Variants in MRPL13 observed in about 807,000 individuals in gnomAD.
MRPL13 encodes the protein large ribosomal subunit protein uL13m.
In MRPL13, 33 loss-of-function variants were observed where a neutral mutation model predicts 29.0. The observed-to-expected ratio is 1.14, with a 90% confidence interval of 0.86 to 1.52. MRPL13 has a LOEUF of 1.52. Ranked by LOEUF, MRPL13 falls within the 40% of genes most tolerant of loss-of-function variation. The pLI is 0.00. For synonymous variants in MRPL13, 77 were observed against 68.4 expected, an observed-to-expected ratio of 1.13 and a Z score of -0.62; for missense variants, 227 against 216.7, an observed-to-expected ratio of 1.05 and a Z score of -0.30.
intron 6 of MRPL13, among the ~76,000 whole-genome samples, chr8:120,412,320 T>A (rs1812748208): frequency 6.6e-6 from 1 of 152,146 alleles, no homozygotes; most frequent in African/African-American, 2.4e-5. Flanking sequence ...TAAGTACATT[T>A]ACAATAAAAC....
At chr8:120,421,094 G>C (rs1812868266) in intron 4 of MRPL13, among the ~76,000 whole-genome samples, 1 of 151,764 alleles carries the variant, frequency 6.6e-6, no homozygotes, top group South Asian at 2.1e-4. Context: ...AAAAAAAATA[G>C]AATAAGATAA....
chr8:120,399,138 C>T (rs11534106), intron 6 of MRPL13, among the ~76,000 whole-genome samples: 80,475 of 151,980 alleles, frequency 0.53, 24,586 homozygotes, highest in Non-Finnish European at 0.67. Context: ...TCAGGAAATC[C>T]GGAGAACCCC....
At position 120,443,318 on chromosome 8, in the gene MRPL13, G is replaced by GAA. The variant is rs5894521; in HGVS notation, c.28-12_28-11dup. 24,764 of 1,353,680 alleles carry GAA rather than the reference G, an allele frequency of 0.018. No homozygotes were observed. Among genetic ancestry groups the GAA allele is most frequent in the South Asian group, 0.02 (1,384 of 68,594 alleles). 83.9% of individuals were successfully genotyped at this position (1,353,680 alleles called of 1,614,324 possible). Reference sequence around the variant, plus strand: ...CAAAAGTGGCCCATTGCTTGGGGGGGAAAAAAAAAAAAAAGAAGAGGAAAA... The same window carrying GAA: ...CAAAAGTGGCCCATTGCTTGGGGGGGAAAAAAAAAAAAAAAAGAAGAGGAAAA... On this transcript the variant is annotated splice_polypyrimidine_tract_variant and intron_variant, in intron 1 of 6. Transcript: ENST00000306185.
chr8:120,439,948 C>A (rs925286003), intron 2 of MRPL13, among the ~76,000 whole-genome samples: 10 of 152,218 alleles, frequency 6.6e-5, no homozygotes, highest in Non-Finnish European at 1.5e-4. Context: ...TTCATTTTCA[C>A]AACTGGAATT....
At chr8:120,439,059 T>C (rs925173443) in intron 2 of MRPL13, among the ~76,000 whole-genome samples, 2 of 152,256 alleles carry the variant, frequency 1.3e-5, no homozygotes, top group Non-Finnish European at 2.9e-5. Flanking sequence ...ATTTATTTGT[T>C]ACCCCAAAAT....
At chr8:120,440,942 A>G (rs72678268) in intron 2 of MRPL13, among the ~76,000 whole-genome samples, 2,275 of 152,012 alleles carry the variant, frequency 0.015, 29 homozygotes, top group South Asian at 0.03. Flanking sequence ...ATCAGAGTAG[A>G]GGGAGAGATG....
intron 6 of MRPL13, among the ~76,000 whole-genome samples, chr8:120,396,443 G>A (rs1182551585): frequency 2.0e-5 from 3 of 151,928 alleles, no homozygotes; most frequent in African/African-American, 7.2e-5. Flanking sequence ...AGTCCTTATT[G>A]AAAAGATTAC....
At chr8:120,422,287 T>TA (rs1468747437) in intron 4 of MRPL13, among the ~76,000 whole-genome samples, 2 of 151,718 alleles carry the variant, frequency 1.3e-5, no homozygotes, top group African/African-American at 2.4e-5. Context: ...TTTGCTAATT[T>TA]ATTAATGTAT....
At chr8:120,431,889 A>T in intron 3 of MRPL13, 141 bp downstream of exon 3, 1 of 548,084 alleles carries the variant, frequency 1.8e-6, no homozygotes, top group Non-Finnish European at 3.0e-6. Context: ...AAAATTGAGT[A>T]AATTATATAC....
chr8:120,431,333 A>AG (rs1009455660), intron 3 of MRPL13, among the ~76,000 whole-genome samples: 1 of 152,206 alleles, frequency 6.6e-6, no homozygotes, highest in African/African-American at 2.4e-5. Flanking sequence ...CTAATACATG[A>AG]GATGATAAAA....
intron 2 of MRPL13, among the ~76,000 whole-genome samples, chr8:120,439,887 C>G (rs1468606362): frequency 1.3e-5 from 2 of 152,194 alleles, no homozygotes; most frequent in Non-Finnish European, 2.9e-5. Context: ...CTCCATAGAT[C>G]CAAAAATCTG....
chr8:120,441,498 A>G (rs941018694), intron 2 of MRPL13, among the ~76,000 whole-genome samples: 2 of 152,178 alleles, frequency 1.3e-5, no homozygotes, highest in African/African-American at 4.8e-5. Context: ...ACAGGGAAAC[A>G]AGTGAATCCA....
chr8:120,420,498 A>G (rs1168649696), intron 4 of MRPL13, among the ~76,000 whole-genome samples: 3 of 147,582 alleles, frequency 2.0e-5, no homozygotes, highest in African/African-American at 7.4e-5. Flanking sequence ...AATATATATA[A>G]ATATATATAT....
At chr8:120,423,446 T>C (rs952707326) in intron 4 of MRPL13, among the ~76,000 whole-genome samples, 4 of 151,768 alleles carry the variant, frequency 2.6e-5, no homozygotes, top group Non-Finnish European at 5.9e-5. Flanking sequence ...TAGGAAGATA[T>C]GAAAACCAAA....
At position 120,418,514 on chromosome 8, in the gene MRPL13, G is replaced by A. The variant is rs367781689; in HGVS notation, c.393+1338C>T. On this transcript the variant is annotated intron_variant, in intron 5 of 6. Transcript: ENST00000306185. ...TATAAGTGTGCCTGTTTCCCCCATCGGCTTGATAAAATGTACTGTCAAGCT... is the reference window on the plus strand; with the variant it reads ...TATAAGTGTGCCTGTTTCCCCCATCAGCTTGATAAAATGTACTGTCAAGCT... Among the ~76,000 whole-genome samples, 124 of 151,902 alleles carry A rather than the reference G, an allele frequency of 8.2e-4. 1 individual carries two copies. The highest frequency in any genetic ancestry group is 2.8e-3 in the African/African-American group (116 of 41,460).
chr8:120,427,226 T>C (rs757939330), intron 3 of MRPL13, among the ~76,000 whole-genome samples: 31 of 152,180 alleles, frequency 2.0e-4, no homozygotes, highest in Non-Finnish European at 4.3e-4. Context: ...TAAGTAAATG[T>C]AAATATTCAG....
chr8:120,413,881 G>A (rs1812770301), intron 6 of MRPL13, 110 bp downstream of exon 6: 2 of 1,308,768 alleles, frequency 1.5e-6, no homozygotes, highest in Admixed American at 3.0e-5. Flanking sequence ...TCCCAGGGGA[G>A]CAAAAAAATG....
chr8:120,437,546 A>T (rs538106190), intron 2 of MRPL13, among the ~76,000 whole-genome samples: 1 of 152,280 alleles, frequency 6.6e-6, no homozygotes, highest in East Asian at 1.9e-4. Flanking sequence ...TACTCCACTA[A>T]TCACCATATA....
Position 120,445,105 on chromosome 8 carries a change from T to G in MRPL13, c.-11A>C, listed in dbSNP as rs935163432. ...AGAGAAACTCGACATATTCCTCTAC[T>G]AGCAGGACCGTACGTCCTTCTCCTA... is the stretch of plus-strand genomic sequence containing the variant. On this transcript the variant is annotated 5_prime_UTR_variant, in exon 1 of 7. Transcript: ENST00000306185. The G allele has an allele frequency of 5.0e-5, 80 of 1,613,792 alleles. No homozygotes were observed. In the East Asian group the frequency reaches 1.8e-3, roughly 36 times the overall value.
Sources: allele counts gnomAD v4.1 joint callset (sites outside exome capture counted in the v4.1 genomes callset), GRCh38; gene constraint gnomAD v4.1.1; transcripts MANE v1.5; gene names NCBI Gene and HGNC (gene_info 2026-07-23, HGNC 2026-07-21).